GALNT13: variants seen among roughly 807,000 people sequenced by gnomAD.
GALNT13 encodes the protein UDP-GalNAc:polypeptide N-acetylgalactosaminyltransferase 13.
Under a neutral mutation model 64.2 loss-of-function variants are expected in GALNT13, and 28 were observed. That is an observed-to-expected ratio of 0.44 (90% CI 0.32 to 0.60). The LOEUF is 0.60. Among genes scored for constraint, GALNT13 ranks in the 20% least tolerant of loss-of-function variants. The probability of loss-of-function intolerance (pLI) is 0.05; values close to 1 mark genes in which losing one functional copy is unlikely to be tolerated. For synonymous variants in GALNT13, 214 were observed against 224.6 expected, an observed-to-expected ratio of 0.95 and a Z score of 0.42; for missense variants, 577 against 669.8, an observed-to-expected ratio of 0.86 and a Z score of 1.53.
intron 3 of GALNT13, among the ~76,000 whole-genome samples, chr2:154,027,919 C>T (rs189435317): frequency 2.0e-5 from 3 of 152,226 alleles, no homozygotes; most frequent in Admixed American, 6.5e-5. Flanking sequence ...ACATATTGCA[C>T]ATCAAGAATA....
chr2:153,748,763 G>C, the GALNT13 span, among the ~76,000 whole-genome samples: 48 of 151,922 alleles, frequency 3.2e-4, no homozygotes, highest in African/African-American at 1.1e-3. Context: ...GCTGTGCAGA[G>C]CTTTTTAACT....
chr2:153,630,807 ATTTTTTTTTTT>A, the GALNT13 span, among the ~76,000 whole-genome samples: 2 of 21,990 alleles, frequency 9.1e-5, no homozygotes, highest in African/African-American at 3.8e-4. Context: ...ATATATATAT[ATTTTTTTTTTT>A]TTTTTTATTA....
chr2:153,657,816 G>A, the GALNT13 span, among the ~76,000 whole-genome samples: 9 of 152,202 alleles, frequency 5.9e-5, no homozygotes, highest in Admixed American at 4.6e-4. Context: ...AATATAGCAA[G>A]CCTGGGCTCT....
the GALNT13 span, among the ~76,000 whole-genome samples, chr2:153,271,137 T>C: frequency 1.3e-5 from 2 of 152,170 alleles, no homozygotes; most frequent in Non-Finnish European, 2.9e-5. Flanking sequence ...GTAAGAGCTA[T>C]TTATGACAAA....
chr2:154,129,860 T>C (rs887065116), intron 3 of GALNT13, among the ~76,000 whole-genome samples: 31 of 152,126 alleles, frequency 2.0e-4, no homozygotes, highest in Admixed American at 2.0e-3. Flanking sequence ...TCATCAACTT[T>C]CCAATCATGT....
At chr2:153,540,527 C>T in the GALNT13 span, among the ~76,000 whole-genome samples, 1 of 152,202 alleles carries the variant, frequency 6.6e-6, no homozygotes, top group East Asian at 1.9e-4. Context: ...ATCCTCCAGA[C>T]CCCAGAGTGG....
At chr2:153,288,353 T>C in the GALNT13 span, among the ~76,000 whole-genome samples, 702 of 152,330 alleles carry the variant, frequency 4.6e-3, 6 homozygotes, top group African/African-American at 0.016. Flanking sequence ...GACTTATCCA[T>C]TGTTTTGCTT....
the GALNT13 span, among the ~76,000 whole-genome samples, chr2:153,752,702 T>A: frequency 6.6e-6 from 1 of 152,152 alleles, no homozygotes; most frequent in Non-Finnish European, 1.5e-5. Flanking sequence ...GGGAGTTTGA[T>A]TATTAAATAC....
At chr2:153,078,831 T>C in the GALNT13 span, among the ~76,000 whole-genome samples, 1 of 152,136 alleles carries the variant, frequency 6.6e-6, no homozygotes, top group Admixed American at 6.6e-5. Context: ...TAAAATTTGA[T>C]TTTTCTGAGT....
the GALNT13 span, among the ~76,000 whole-genome samples, chr2:153,197,315 G>A: frequency 2.6e-5 from 4 of 152,210 alleles, no homozygotes; most frequent in Admixed American, 6.5e-5. Context: ...GCACTAGCAC[G>A]GGTGGTGCTA....
At chr2:154,229,937 G>C (rs368853085) in intron 4 of GALNT13, among the ~76,000 whole-genome samples, 18 of 152,206 alleles carry the variant, frequency 1.2e-4, no homozygotes, top group Admixed American at 1.1e-3. Context: ...TTTTAGATTT[G>C]CGTTTTTGTC....
rs80185218 is a variant in GALNT13 at position 154,005,289 on chromosome 2, T to C, written c.142+60650T>C. Among the ~76,000 whole-genome samples, 993 of 152,330 alleles carry C rather than the reference T, an allele frequency of 6.5e-3. 8 individuals are homozygous for C. The highest frequency in any genetic ancestry group is 0.022 in the African/African-American group (919 of 41,588). On this transcript the variant is annotated intron_variant, in intron 3 of 12. Transcript: ENST00000392825. ...TACAAGGATGATACTCCTCTACTTA[T>C]AGTTGTGGGAGTTTGATTCATATTA...
chr2:153,147,608 C>T, the GALNT13 span, among the ~76,000 whole-genome samples: 2 of 150,400 alleles, frequency 1.3e-5, no homozygotes, highest in East Asian at 3.9e-4. Flanking sequence ...AGAACCAACT[C>T]CTAGAGATGG....
intron 3 of GALNT13, among the ~76,000 whole-genome samples, chr2:153,951,061 A>G (rs1574188705): frequency 1.3e-5 from 2 of 152,228 alleles, no homozygotes; most frequent in East Asian, 3.9e-4. Context: ...TACAAAAGCC[A>G]AAAAAGACTA....
At chr2:153,312,467 G>A in the GALNT13 span, among the ~76,000 whole-genome samples, 1 of 152,138 alleles carries the variant, frequency 6.6e-6, no homozygotes, top group African/African-American at 2.4e-5. Context: ...AGGGAAATGT[G>A]TTGGCTCAAA....
At chr2:153,532,857 T>G in the GALNT13 span, among the ~76,000 whole-genome samples, 5 of 152,302 alleles carry the variant, frequency 3.3e-5, no homozygotes, top group African/African-American at 1.2e-4. Flanking sequence ...AAAGTTACCT[T>G]TGCTCCAGTT....
At chr2:153,156,084 T>C in the GALNT13 span, among the ~76,000 whole-genome samples, 1 of 152,236 alleles carries the variant, frequency 6.6e-6, no homozygotes, top group African/African-American at 2.4e-5. Context: ...TTGATTGCTC[T>C]GTGGACCAAG....
intron 8 of GALNT13, among the ~76,000 whole-genome samples, chr2:154,280,487 C>T (rs1386293041): frequency 6.6e-6 from 1 of 152,140 alleles, no homozygotes; most frequent in East Asian, 1.9e-4. Context: ...ACATTTGGGA[C>T]ACACATGACC....
intron 8 of GALNT13, among the ~76,000 whole-genome samples, chr2:154,276,976 TCTTTC>T (rs1190154352): frequency 6.6e-6 from 1 of 152,172 alleles, no homozygotes; most frequent in African/African-American, 2.4e-5. Flanking sequence ...CAATTAAACC[TCTTTC>T]CTTTATAAAT....
Sources: allele counts gnomAD v4.1 joint callset (sites outside exome capture counted in the v4.1 genomes callset), GRCh38; gene constraint gnomAD v4.1.1; transcripts MANE v1.5; gene names NCBI Gene and HGNC (gene_info 2026-07-23, HGNC 2026-07-21).